Variants in KIF21B observed in about 807,000 individuals in gnomAD.
KIF21B encodes the protein kinesin-like protein KIF21B.
Under a neutral mutation model 192.9 loss-of-function variants are expected in KIF21B, and 85 were observed. The observed-to-expected ratio is 0.44, with a 90% confidence interval of 0.37 to 0.53. The LOEUF (loss-of-function observed/expected upper bound fraction) is 0.53, where lower values mean the gene tolerates loss of function less well. KIF21B is among the 20% of genes least tolerant of loss of function. KIF21B has a pLI of 0.00. For synonymous variants in KIF21B, 832 were observed against 884.6 expected (o/e 0.94, Z 1.05); for missense variants, 1,716 against 2,194.8 (o/e 0.78, Z 4.36).
intron 1 of KIF21B, among the ~76,000 whole-genome samples, chr1:201,020,492 T>G (rs1372554150): frequency 1.3e-5 from 2 of 152,112 alleles, no homozygotes; most frequent in African/African-American, 4.8e-5. Flanking sequence ...CAGGGCAGGC[T>G]GGAGAGGCCA....
intron 1 of KIF21B, among the ~76,000 whole-genome samples, chr1:201,020,125 A>G (rs1184576069): frequency 2.0e-5 from 3 of 151,978 alleles, no homozygotes; most frequent in Non-Finnish European, 4.4e-5. Flanking sequence ...AGACTAAAGG[A>G]AGGAAGCTTA....
At chr1:201,004,552 G>T in intron 6 of KIF21B, 97 bp from the exon 7 acceptor site, 1 of 1,171,950 alleles carries the variant, frequency 8.5e-7, no homozygotes, top group Non-Finnish European at 1.2e-6. Flanking sequence ...TGCCTCTTTG[G>T]CCCCAGCAGC....
chr1:200,988,266 A>T, intron 24 of KIF21B, 30 bp downstream of exon 24: 1 of 1,606,650 alleles, frequency 6.2e-7, no homozygotes, highest in Non-Finnish European at 8.5e-7. Flanking sequence ...GCCCTGCTGC[A>T]CCCACTGCCT....
At chr1:201,018,204 G>C (rs1356131389) in intron 1 of KIF21B, among the ~76,000 whole-genome samples, 1 of 152,180 alleles carries the variant, frequency 6.6e-6, no homozygotes, top group African/African-American at 2.4e-5. Flanking sequence ...GTGTGAGGTG[G>C]GGGGCCAGCA....
At position 201,023,354 on chromosome 1, in the gene KIF21B, C is replaced by A. The variant is rs781118204; in HGVS notation, c.30G>T (p.Lys10Asn). The A allele has an allele frequency of 1.3e-6, 2 of 1,531,424 alleles. No individual in the cohort carries two copies. The highest frequency in any genetic ancestry group is 8.8e-7 in the Non-Finnish European group (1 of 1,141,446). The allele number at this position is 1,531,424 out of a possible 1,614,324, so 94.9% of individuals were successfully genotyped here. MAGQGDCCV[K>N]VAVRIRPQLS... ...CCCCGGGTCCCTACCTGACGGCCAC[C>A]TTGACGCAGCAGTCCCCCTGGCCGG... The change falls in exon 1 of 35, where the codon AAG (lysine) becomes AAT (asparagine). Residue 10 changes from lysine (K) to asparagine (N), a missense_variant. By Grantham distance (94) the Lys-to-Asn change is moderately conservative. Around this residue, in one of 3 missense-constraint regions of KIF21B, gnomAD observed 1,087 missense variants for 1,316.6 expected, o/e 0.83. Transcript: ENST00000461742. The surrounding 1 kb of genome is among the most constrained non-coding windows in gnomAD (Gnocchi z 5.9).
At position 200,999,974 on chromosome 1, in the gene KIF21B, G is replaced by A. The variant is rs970913711; in HGVS notation, c.1686-10C>T. ...GGCTTCCTTCTCGGGGCTGCTCAGGGAGGACAGGGAAGCTGGATTAGGAAG... is the reference window on the plus strand; with the variant it reads ...GGCTTCCTTCTCGGGGCTGCTCAGGAAGGACAGGGAAGCTGGATTAGGAAG... On this transcript the variant is annotated splice_polypyrimidine_tract_variant and intron_variant, in intron 11 of 34. Coordinates refer to ENST00000461742, the MANE Select transcript of KIF21B (RefSeq NM_001252102.2). The surrounding 1 kb of genome is among the most constrained non-coding windows in gnomAD (Gnocchi z 4.7). 5.0e-6 allele frequency: 8 copies of A among 1,613,364 alleles called. No homozygotes were observed. The highest frequency in any genetic ancestry group is 5.9e-6 in the Non-Finnish European group (7 of 1,179,732).
chr1:201,004,846 G>GGTC lies in KIF21B; in HGVS notation c.817_819dup (p.Asp273dup). 6.2e-7 allele frequency: 1 copy of GGTC among 1,614,154 alleles called. No homozygotes were observed. Among genetic ancestry groups the GGTC allele is most frequent in the Non-Finnish European group, 8.5e-7 (1 of 1,180,028 alleles). On this transcript the variant is annotated inframe_insertion, in exon 6 of 35. Coordinates refer to ENST00000461742, the MANE Select transcript of KIF21B (RefSeq NM_001252102.2). ...CGCTTCAGCCGCTCTGAGCCGGCCAGGTCCACAAAGTGAAACTTAGCAGTG... is the reference window on the plus strand; with the variant it reads ...CGCTTCAGCCGCTCTGAGCCGGCCAGGTCGTCCACAAAGTGAAACTTAGCAGTG...
chr1:200,988,194 T>C (rs1656428118), intron 24 of KIF21B, 102 bp downstream of exon 24: 1 of 1,172,240 alleles, frequency 8.5e-7, no homozygotes, highest in Admixed American at 1.7e-5. Context: ...GGGACAACAT[T>C]GTGTTGTGGC....
At position 200,999,878 on chromosome 1, in the gene KIF21B, C is replaced by T. The variant is rs752018956; in HGVS notation, c.1767+5G>A. 1.2e-6 allele frequency: 2 copies of T among 1,613,552 alleles called. No individual in the cohort carries two copies. The highest frequency in any genetic ancestry group is 1.1e-5 in the South Asian group (1 of 91,080). The stretch of plus-strand genomic sequence containing the variant: ...TGGTGAGGTGGGGCGGCCCGTGCTC[C>T]TCACCTCCTCCGCCTCGTTCTCATC... On this transcript the variant is annotated splice_donor_5th_base_variant and intron_variant, in intron 12 of 34. Transcript: ENST00000461742. The surrounding 1 kb of genome is among the most constrained non-coding windows in gnomAD (Gnocchi z 4.7).
chr1:201,021,045 C>G (rs1024186783), intron 1 of KIF21B, among the ~76,000 whole-genome samples: 3 of 152,216 alleles, frequency 2.0e-5, no homozygotes, highest in African/African-American at 7.2e-5. Context: ...CCTTGCCCTT[C>G]CCATAAATGG....
rs1221353887 is a variant in KIF21B, at chr1:200,998,579, T to C, written c.1886-4A>G. ...AGGTCCGCCTGGAAGTTCACCTCTA[T>C]GGGGGCACAATCAGGCTCAGCCCAG... On this transcript the variant is annotated splice_polypyrimidine_tract_variant and splice_region_variant and intron_variant, in intron 13 of 34. Coordinates refer to ENST00000461742, the MANE Select transcript of KIF21B (RefSeq NM_001252102.2). The surrounding 1 kb of genome is among the most constrained non-coding windows in gnomAD (Gnocchi z 4.3). The C allele has an allele frequency of 2.5e-6, 4 of 1,612,296 alleles. No individual in the cohort carries two copies. Among genetic ancestry groups the C allele is most frequent in the South Asian group, 2.2e-5 (2 of 91,046 alleles).
chr1:200,990,260 C>A lies in KIF21B; in HGVS notation c.2908G>T (p.Glu970Ter). The A allele has an allele frequency of 1.2e-6, 2 of 1,613,798 alleles. No homozygotes were observed. Among genetic ancestry groups the A allele is most frequent in the Non-Finnish European group, 1.7e-6 (2 of 1,179,946 alleles). Residue 970 changes from glutamate (E) to a stop codon, truncating the protein, a stop_gained, in exon 20 of 35, where the codon GAG becomes TAG. Coordinates refer to ENST00000461742, the MANE Select transcript of KIF21B (RefSeq NM_001252102.2). LOFTEE classifies it high-confidence loss of function. The surrounding 1 kb of genome is among the most constrained non-coding windows in gnomAD (Gnocchi z 5.4). Reference sequence around the variant, plus strand: ...AGCTCCTGCAGCCCCTTCTCTTCCTCGGGGCTCTCAGCCTGCAGCCGCTCC... The same window carrying A: ...AGCTCCTGCAGCCCCTTCTCTTCCTAGGGGCTCTCAGCCTGCAGCCGCTCC... ...KRERLQAESP[E>*]EEKGLQELAE...
chr1:201,004,595 T>G, intron 6 of KIF21B, 140 bp from the exon 7 acceptor site: 1 of 1,110,088 alleles, frequency 9.0e-7, no homozygotes, highest in Non-Finnish European at 1.3e-6. Flanking sequence ...TATAGGCACA[T>G]GGATAAGTTG....
At position 200,998,147 on chromosome 1, in the gene KIF21B, G is replaced by T. The variant is rs181499167; in HGVS notation, c.2077+237C>A. Among the ~76,000 whole-genome samples the T allele has an allele frequency of 2.8e-4, 42 of 152,146 alleles. 1 individual carries two copies. The highest frequency in any genetic ancestry group is 1.9e-4 in the East Asian group (1 of 5,190). On this transcript the variant is annotated intron_variant, in intron 14 of 34. Transcript: ENST00000461742. This position sits in a 1 kb window ranked among gnomAD's most constrained non-coding sequence, Gnocchi z 4.3. ...ATGTTCGCGTGCCTAGGTATATAAA[G>T]AATTCTAATACATGACGTGATAGCA... is the stretch of plus-strand genomic sequence containing the variant.
In KIF21B at chr1:201,009,758, G is replaced by A. The variant is rs114868766; in HGVS notation, c.42-270C>T. 1.9e-3 allele frequency among the ~76,000 whole-genome samples: 288 copies of A among 152,270 alleles called. 1 individual carries two copies. Among genetic ancestry groups the A allele is most frequent in the African/African-American group, 6.8e-3 (281 of 41,542 alleles). ...GAGTACTTTCCTTAAATTAATTCAC[G>A]CATTCTTCACTATAAACTTGTGAGG... On this transcript the variant is annotated intron_variant, in intron 1 of 34. Transcript: ENST00000461742.
Position 200,988,474 on chromosome 1 carries a change from T to G in KIF21B, c.3350+19A>C. ...TACATGCTGTGAGCCAGCCTCTCAC[T>G]CCCAGCTTGCAAACTCACCTGCCCT... On this transcript the variant is annotated intron_variant, in intron 23 of 34. Transcript: ENST00000461742. 1 of 1,453,890 alleles carries G rather than the reference T, an allele frequency of 6.9e-7. No homozygotes were observed. The highest frequency in any genetic ancestry group is 9.3e-7 in the Non-Finnish European group (1 of 1,075,358). 90.1% of individuals were successfully genotyped at this position (1,453,890 alleles called of 1,614,324 possible).
chr1:200,980,663 T>C (rs999271384), intron 29 of KIF21B, among the ~76,000 whole-genome samples: 11 of 152,216 alleles, frequency 7.2e-5, no homozygotes, highest in Admixed American at 3.3e-4. Flanking sequence ...TGGGGTGATG[T>C]TGGGCAGTGC....
At chr1:200,996,480 C>CAGAGGGTT in intron 14 of KIF21B, 85 bp from the exon 15 acceptor site, 1 of 1,178,892 alleles carries the variant, frequency 8.5e-7, no homozygotes, top group Non-Finnish European at 1.2e-6. Context: ...AACGCAGGAA[C>CAGAGGGTT]CCTCTGTTCC....
intron 9 of KIF21B, chr1:201,001,912 G>C: frequency 1.8e-6 from 1 of 540,932 alleles, no homozygotes; most frequent in Non-Finnish European, 3.3e-6. Flanking sequence ...GGAGGGTTCA[G>C]GGAGAGGCGA....
Sources: gnomAD v4.1 joint callset for allele counts (sites outside exome capture counted in the v4.1 genomes callset) on GRCh38, gnomAD v4.1.1 for gene constraint, gnomAD v4.1.1 regional missense constraint, Gnocchi (gnomAD v3.1) non-coding constraint, MANE v1.5 for transcripts, NCBI Gene and HGNC (gene_info 2026-07-23, HGNC 2026-07-21) for gene names.